The following SLC9A8 variants were observed in gnomAD, a reference collection of about 807,000 sequenced individuals.
SLC9A8 encodes solute carrier family 9 member A8.
Under a neutral mutation model 66.6 loss-of-function variants are expected in SLC9A8, and 48 were observed. The observed-to-expected ratio is 0.72, with a 90% CI of 0.57 to 0.92. The LOEUF (loss-of-function observed/expected upper bound fraction) is 0.92. Ranked by LOEUF, SLC9A8 falls within the 40% of genes least tolerant of loss-of-function variation. SLC9A8 has a pLI of 0.00. For synonymous variants in SLC9A8, 274 were observed against 282.6 expected (o/e 0.97, Z 0.31); for missense variants, 599 against 747.3 (o/e 0.80, Z 2.31).
At position 49,815,012 on chromosome 20, in the gene SLC9A8, T is replaced by C. The variant is rs775060755; in HGVS notation, c.31T>C (p.Phe11Leu). The C allele has an allele frequency of 6.4e-7, 1 of 1,557,374 alleles. No homozygotes were observed. Among genetic ancestry groups the C allele is most frequent in the South Asian group, 1.2e-5 (1 of 84,954 alleles). The change falls in exon 2 of 16, where the codon TTC becomes CTC. Residue 11 changes from phenylalanine to leucine, a missense_variant. Phe to Leu is a conservative substitution (Grantham distance 22). This residue lies in a region of SLC9A8 where 132 missense variants were observed against 120.9 expected (regional missense o/e 1.09). Transcript: ENST00000361573. The stretch of plus-strand genomic sequence containing the variant: ...TATGCTTTCTATGTCCTCCAGGAGG[T>C]TCCCCAATACAACTCATGAGGGTTT... MGEKMAEEER[F>L]PNTTHEGFNV...
intron 3 of SLC9A8, among the ~76,000 whole-genome samples, chr20:49,834,486 G>GTA (rs2087451571): frequency 7.6e-6 from 1 of 130,802 alleles, no homozygotes; most frequent in Non-Finnish European, 1.6e-5. Flanking sequence ...TATATATACT[G>GTA]TATATATACA....
At chr20:49,868,396 G>T (rs2089063334) in intron 10 of SLC9A8, among the ~76,000 whole-genome samples, 1 of 152,180 alleles carries the variant, frequency 6.6e-6, no homozygotes, top group East Asian at 1.9e-4. Flanking sequence ...TTTTCAGAGA[G>T]GGGCAGGATG....
chr20:49,818,065 G>A (rs1329366327), intron 2 of SLC9A8, among the ~76,000 whole-genome samples: 3 of 151,730 alleles, frequency 2.0e-5, no homozygotes, highest in African/African-American at 7.3e-5. Context: ...TTTTTTTAAG[G>A]GAAATTGAAA....
At chr20:49,876,553 A>C (rs1169041312) in intron 11 of SLC9A8, among the ~76,000 whole-genome samples, 1 of 152,252 alleles carries the variant, frequency 6.6e-6, no homozygotes, top group Non-Finnish European at 1.5e-5. Context: ...ATATCCATCC[A>C]TAGAGGATTG....
chr20:49,873,434 A>G (rs890195265), intron 10 of SLC9A8, among the ~76,000 whole-genome samples: 1 of 142,782 alleles, frequency 7.0e-6, no homozygotes, highest in Non-Finnish European at 1.5e-5. Flanking sequence ...GTGAGCTGAT[A>G]CCACGCCATT....
At chr20:49,835,119 A>G (rs971658281) in intron 3 of SLC9A8, among the ~76,000 whole-genome samples, 1 of 152,030 alleles carries the variant, frequency 6.6e-6, no homozygotes, top group African/African-American at 2.4e-5. Flanking sequence ...ATATTTTCAG[A>G]GTTAAAAATG....
intron 3 of SLC9A8, chr20:49,831,072 C>A: frequency 1.4e-6 from 1 of 693,850 alleles, no homozygotes; most frequent in Middle Eastern, 2.6e-4. Context: ...GTGTCCTGAG[C>A]CTGCATACAC....
At chr20:49,830,027 G>A (rs1600662100) in intron 3 of SLC9A8, 2 of 654,008 alleles carry the variant, frequency 3.1e-6, no homozygotes, top group South Asian at 2.7e-5. Flanking sequence ...ACCAGTGGCT[G>A]CATTTAAATG....
At chr20:49,855,623 A>C in intron 8 of SLC9A8, 42 bp downstream of exon 8, 1 of 1,591,780 alleles carries the variant, frequency 6.3e-7, no homozygotes, top group Non-Finnish European at 8.6e-7. Flanking sequence ...CATGTGACAG[A>C]ACTAAAGGTC....
At chr20:49,837,501 C>T (rs2087583763) in intron 3 of SLC9A8, among the ~76,000 whole-genome samples, 1 of 152,090 alleles carries the variant, frequency 6.6e-6, no homozygotes, top group Non-Finnish European at 1.5e-5. Context: ...TCATGTGTTT[C>T]TCAGCCATTT....
chr20:49,875,213 C>T (rs1416221707), intron 11 of SLC9A8, among the ~76,000 whole-genome samples: 4 of 149,980 alleles, frequency 2.7e-5, no homozygotes, highest in African/African-American at 7.4e-5. Context: ...ATCCCAGCTG[C>T]TTGGGAGACT....
chr20:49,830,781 A>G (rs948815631), intron 3 of SLC9A8: 9 of 864,814 alleles, frequency 1.0e-5, no homozygotes, highest in Admixed American at 3.8e-5. Context: ...AGCCATGATC[A>G]CTGAGGTGCT....
chr20:49,844,284 A>G (rs1192673539), intron 4 of SLC9A8, among the ~76,000 whole-genome samples: 3 of 152,110 alleles, frequency 2.0e-5, no homozygotes, highest in Admixed American at 6.5e-5. Flanking sequence ...TATTTTAACC[A>G]TATATAGGAT....
chr20:49,813,023 GC>G, intron 1 of SLC9A8, 75 bp downstream of exon 1: 2 of 1,249,962 alleles, frequency 1.6e-6, no homozygotes, highest in Non-Finnish European at 1.0e-6. Flanking sequence ...GCCTCAGGCC[GC>G]CCTCCGGCCC....
At chr20:49,835,679 C>CTT (rs34461954) in intron 3 of SLC9A8, among the ~76,000 whole-genome samples, 8,348 of 71,966 alleles carry the variant, frequency 0.12, 1,135 homozygotes, top group East Asian at 0.35. Context: ...ACACAATTCA[C>CTT]TTTTTTTTTT....
intron 3 of SLC9A8, among the ~76,000 whole-genome samples, chr20:49,824,623 T>G (rs1044462305): frequency 1.4e-4 from 21 of 152,236 alleles, no homozygotes; most frequent in Non-Finnish European, 4.4e-5. Context: ...CTCATGTTTC[T>G]TGAATGTCTG....
intron 8 of SLC9A8, among the ~76,000 whole-genome samples, chr20:49,860,723 A>T (rs1411620528): frequency 1.3e-5 from 2 of 152,074 alleles, no homozygotes; most frequent in Non-Finnish European, 2.9e-5. Context: ...TCCATCTCAA[A>T]AATAATAATA....
chr20:49,877,167 G>A (rs1437032287), intron 11 of SLC9A8, among the ~76,000 whole-genome samples: 5 of 151,222 alleles, frequency 3.3e-5, no homozygotes, highest in Non-Finnish European at 7.4e-5. Flanking sequence ...GGTGGCGAGC[G>A]CCTGTAATCC....
At chr20:49,863,316 T>G (rs1373539084) in intron 9 of SLC9A8, among the ~76,000 whole-genome samples, 1 of 152,260 alleles carries the variant, frequency 6.6e-6, no homozygotes, top group Non-Finnish European at 1.5e-5. Flanking sequence ...GATGTGATTT[T>G]GGGGACCTCT....
Sources: gnomAD v4.1 joint callset for allele counts (sites outside exome capture counted in the v4.1 genomes callset) on GRCh38, gnomAD v4.1.1 for gene constraint, gnomAD v4.1.1 regional missense constraint, MANE v1.5 for transcripts, NCBI Gene and HGNC (gene_info 2026-07-23, HGNC 2026-07-21) for gene names.